ZFP14: variants seen among roughly 807,000 people sequenced by gnomAD.
The protein encoded by ZFP14 is ZFP14 zinc finger protein.
A neutral mutation model predicts 54.5 loss-of-function variants in ZFP14; 22 were observed. That is an observed-to-expected ratio of 0.40 (90% CI 0.29 to 0.58). ZFP14 has a LOEUF of 0.58. Ranked by LOEUF, ZFP14 falls within the 20% of genes least tolerant of loss-of-function variation. The pLI, the probability that ZFP14 is intolerant of heterozygous loss-of-function variation, is 0.39. For missense variants in ZFP14, 470 were observed against 637.8 expected, an observed-to-expected ratio of 0.74 and a Z score of 2.83; for synonymous variants, 159 against 204.0, an observed-to-expected ratio of 0.78 and a Z score of 1.88.
chr19:36,369,032 G>A (rs1311860571), intron 1 of ZFP14, among the ~76,000 whole-genome samples: 5 of 152,126 alleles, frequency 3.3e-5, no homozygotes, highest in Non-Finnish European at 7.4e-5. Context: ...AGTAGAGACG[G>A]GGTTTCGCCA....
intron 1 of ZFP14, among the ~76,000 whole-genome samples, chr19:36,372,763 G>A (rs1467495784): frequency 6.6e-6 from 1 of 152,182 alleles, no homozygotes; most frequent in East Asian, 1.9e-4. Flanking sequence ...GTTTATTATA[G>A]CATTATTCAC....
intron 2 of ZFP14, among the ~76,000 whole-genome samples, chr19:36,364,988 CTTTTTCTTTT>C (rs2031769659): frequency 1.0e-5 from 1 of 97,812 alleles, no homozygotes; most frequent in Admixed American, 1.2e-4. Context: ...TTTCCTTTTT[CTTTTTCTTTT>C]TTTTTTTTTT....
chr19:36,358,361 T>C (rs1411472765), intron 4 of ZFP14, among the ~76,000 whole-genome samples: 1 of 152,190 alleles, frequency 6.6e-6, no homozygotes, highest in Non-Finnish European at 1.5e-5. Context: ...TCTGCCTGCC[T>C]TGGCCTCCCA....
chr19:36,337,321 T>A lies in ZFP14; in HGVS notation c.*2903A>T, dbSNP rs530610593. 6 of 152,308 alleles carry A rather than the reference T, an allele frequency of 3.9e-5. No homozygotes were observed. The highest frequency in any genetic ancestry group is 1.2e-4 in the African/African-American group (5 of 41,580). The allele number at this position is 152,308 out of a possible 1,614,324, so 9.4% of individuals were successfully genotyped here. On this transcript the variant is annotated 3_prime_UTR_variant, in exon 5 of 5. Transcript: ENST00000270001. ...AGAATTTCACACATTCTGGATCTGT[T>A]TGGCTTCTTCCTTGTGGTGCCCTTT...
At chr19:36,355,523 T>C (rs2145551531) in intron 4 of ZFP14, among the ~76,000 whole-genome samples, 1 of 140,552 alleles carries the variant, frequency 7.1e-6, no homozygotes, top group Admixed American at 7.4e-5. Flanking sequence ...TATAAATTTT[T>C]TTTTTTTTAA....
chr19:36,358,253 G>A (rs572096731), intron 4 of ZFP14, among the ~76,000 whole-genome samples: 11 of 151,988 alleles, frequency 7.2e-5, no homozygotes, highest in African/African-American at 2.7e-4. Flanking sequence ...TGGGATTACA[G>A]GCGTGCGCCA....
intron 1 of ZFP14, among the ~76,000 whole-genome samples, chr19:36,377,854 C>CA (rs532320662): frequency 0.011 from 1,701 of 148,956 alleles, 16 homozygotes; most frequent in African/African-American, 0.02. Context: ...TCAAAAAATA[C>CA]AAAAAAAAAC....
chr19:36,353,870 T>C (rs901036703), intron 4 of ZFP14, among the ~76,000 whole-genome samples: 2 of 139,288 alleles, frequency 1.4e-5, no homozygotes, highest in Admixed American at 7.5e-5. Context: ...GCCTAGGAGT[T>C]CAAGACCAGC....
At chr19:36,378,572 C>T (rs1375740043) in intron 1 of ZFP14, 1 of 152,198 alleles carries the variant, frequency 6.6e-6, no homozygotes, top group Non-Finnish European at 1.5e-5. Context: ...AACACAAACT[C>T]ATCTGGATGT....
At position 36,336,645 on chromosome 19, in the gene ZFP14, G is replaced by A. The variant is rs2031203422; in HGVS notation, c.*3579C>T. ...CATTCATCTGTGTGACAGGCCTGGT[G>A]TTGCTGCTGTGGGTAAGTGAAGAAG... On this transcript the variant is annotated 3_prime_UTR_variant, in exon 5 of 5. Transcript: ENST00000270001. 1 of 152,216 alleles carries A rather than the reference G, an allele frequency of 6.6e-6. No individual in the cohort carries two copies. Among genetic ancestry groups the A allele is most frequent in the Non-Finnish European group, 1.5e-5 (1 of 68,052 alleles). The allele number at this position is 152,216 out of a possible 1,614,324, so 9.4% of individuals were successfully genotyped here.
At chr19:36,342,934 A>G (rs1483430485) in intron 4 of ZFP14, among the ~76,000 whole-genome samples, 1 of 152,170 alleles carries the variant, frequency 6.6e-6, no homozygotes, top group Non-Finnish European at 1.5e-5. Context: ...ATTATACACA[A>G]TTCTTTTGCC....
intron 1 of ZFP14, among the ~76,000 whole-genome samples, chr19:36,371,723 C>A (rs1460854595): frequency 1.3e-5 from 2 of 151,956 alleles, no homozygotes; most frequent in Non-Finnish European, 2.9e-5. Context: ...CTTTGGGAGG[C>A]CAAGGTGGGA....
At chr19:36,365,549 C>T (rs1281436877) in intron 2 of ZFP14, among the ~76,000 whole-genome samples, 2 of 152,074 alleles carry the variant, frequency 1.3e-5, no homozygotes, top group Non-Finnish European at 2.9e-5. Context: ...CACACATGCC[C>T]TTGAATGATA....
chr19:36,358,274 C>T (rs948130336), intron 4 of ZFP14, among the ~76,000 whole-genome samples: 8 of 151,700 alleles, frequency 5.3e-5, no homozygotes, highest in African/African-American at 1.9e-4. Context: ...CTACATCCAG[C>T]TAATGTTTGT....
chr19:36,363,097 GT>G (rs992293372), intron 2 of ZFP14, among the ~76,000 whole-genome samples: 1 of 146,814 alleles, frequency 6.8e-6, no homozygotes, highest in African/African-American at 2.5e-5. Context: ...CTTGAACATT[GT>G]TTTTTTGTTC....
In ZFP14 at chr19:36,340,404, G is replaced by A. The variant is rs1433133645; in HGVS notation, c.1422C>T (p.His474=). The change falls in exon 5 of 5, where the codon CAC becomes CAT. Residue 474 remains histidine (H), a synonymous_variant. Coordinates refer to ENST00000270001, the MANE Select transcript of ZFP14 (RefSeq NM_020917.3). This position sits in a 1 kb window ranked among gnomAD's most constrained non-coding sequence, Gnocchi z 5.4. Reference sequence around the variant, plus strand: ...TACATTCATAAGGTTTCTCACCAGTGTGAATACTCTGATGTTGGGTAAGTT... The same window carrying A: ...TACATTCATAAGGTTTCTCACCAGTATGAATACTCTGATGTTGGGTAAGTT... ...LSQLTQHQSI[H]TGEKPYECKE... is the part of the protein sequence containing the mutation. 6.2e-7 allele frequency: 1 copy of A among 1,613,538 alleles called. No individual in the cohort carries two copies. The highest frequency in any genetic ancestry group is 1.3e-5 in the African/African-American group (1 of 74,780).
chr19:36,377,644 C>T (rs2031983639), intron 1 of ZFP14, among the ~76,000 whole-genome samples: 1 of 151,910 alleles, frequency 6.6e-6, no homozygotes, highest in African/African-American at 2.4e-5. Context: ...TAGAAAGAGG[C>T]AGCTCATAAG....
Position 36,340,771 on chromosome 19 carries a change from C to G in ZFP14, c.1055G>C (p.Cys352Ser), listed in dbSNP as rs1438841695. ...ACTCTGATGAACAGTAAGTTGTTGG[C>G]ATATTCTAAAAGCCTTTCCACACTC... The part of the protein sequence containing the change: ...CKECGKAFRI[C>S]QQLTVHQSIH... The change falls in exon 5 of 5, where the codon TGC becomes TCC. Residue 352 changes from cysteine to serine, a missense_variant. Physicochemically the swap from Cys to Ser is moderately radical, Grantham distance 112. Coordinates refer to ENST00000270001, the MANE Select transcript of ZFP14 (RefSeq NM_020917.3). This position sits in a 1 kb window ranked among gnomAD's most constrained non-coding sequence, Gnocchi z 5.4. 2 of 1,613,562 alleles carry G rather than the reference C, an allele frequency of 1.2e-6. No individual in the cohort carries two copies. Among genetic ancestry groups the G allele is most frequent in the Admixed American group, 3.3e-5 (2 of 59,952 alleles).
intron 1 of ZFP14, among the ~76,000 whole-genome samples, chr19:36,368,999 A>AATTTTTAT (rs896700414): frequency 6.6e-6 from 1 of 151,976 alleles, no homozygotes; most frequent in Non-Finnish European, 1.5e-5. Context: ...ACGCCCAGCT[A>AATTTTTAT]ATTTTTATAT....
Sources: allele counts gnomAD v4.1 joint callset (sites outside exome capture counted in the v4.1 genomes callset), GRCh38; gene constraint gnomAD v4.1.1; non-coding constraint Gnocchi (gnomAD v3.1); transcripts MANE v1.5; gene names NCBI Gene and HGNC (gene_info 2026-07-23, HGNC 2026-07-21).